The following TMIGD2 variants were observed in gnomAD, a reference collection of about 807,000 sequenced individuals.
The protein encoded by TMIGD2 is transmembrane and immunoglobulin domain containing 2, also known as transmembrane and immunoglobulin domain-containing protein 2.
TMIGD2 carries 18 observed loss-of-function variants against 22.6 expected under a neutral mutation model. The ratio of observed to expected loss-of-function variants is 0.80; its 90% CI spans 0.55 to 1.18. The LOEUF is 1.18. Ranked by LOEUF, TMIGD2 falls within the 50% of genes most tolerant of loss-of-function variation. The pLI is 0.00. For synonymous variants in TMIGD2, 184 were observed against 154.1 expected (o/e 1.19, Z -1.44); for missense variants, 361 against 378.2 (o/e 0.95, Z 0.38).
At chr19:4,301,325 A>G (rs1971533445) in intron 1 of TMIGD2, among the ~76,000 whole-genome samples, 2 of 152,254 alleles carry the variant, frequency 1.3e-5, no homozygotes, top group Non-Finnish European at 1.5e-5. Flanking sequence ...TGATTGCTTG[A>G]GGCCAGGAGT....
intron 2 of TMIGD2, 121 bp downstream of exon 2, chr19:4,297,865 A>G: frequency 7.3e-7 from 1 of 1,365,742 alleles, no homozygotes; most frequent in East Asian, 2.6e-5. Context: ...TCTTAAAAAA[A>G]AAAAAAAAAG....
At chr19:4,296,615 G>T (rs1400340253) in intron 2 of TMIGD2, among the ~76,000 whole-genome samples, 2 of 152,130 alleles carry the variant, frequency 1.3e-5, no homozygotes, top group Non-Finnish European at 2.9e-5. Context: ...CCACCACCCC[G>T]CCTCCTCTAA....
intron 4 of TMIGD2, among the ~76,000 whole-genome samples, chr19:4,293,623 G>A (rs1163132228): frequency 6.6e-6 from 1 of 150,526 alleles, no homozygotes; most frequent in East Asian, 2.0e-4. Flanking sequence ...TTGAGACAGG[G>A]TCTCTCTCTG....
At chr19:4,292,507 G>A in exon 5 of TMIGD2, 5 of 1,302,924 alleles carry the variant, frequency 3.8e-6, no homozygotes, top group East Asian at 2.3e-5. Flanking sequence ...AAACTGCTGG[G>A]ATTACAGGCG....
At chr19:4,302,371 G>A in exon 1 of TMIGD2, 1 of 1,571,104 alleles carries the variant, frequency 6.4e-7, no homozygotes, top group Non-Finnish European at 8.6e-7. Context: ...CCAGCACCAT[G>A]CCCGGGGACC....
chr19:4,297,843 C>G, intron 2 of TMIGD2, 143 bp downstream of exon 2: 1 of 1,204,486 alleles, frequency 8.3e-7, no homozygotes, highest in African/African-American at 1.7e-5. Flanking sequence ...GACGACAGAG[C>G]AAGACTCTGT....
At chr19:4,296,015 C>G (rs1394752569) in intron 2 of TMIGD2, among the ~76,000 whole-genome samples, 1 of 152,058 alleles carries the variant, frequency 6.6e-6, no homozygotes, top group African/African-American at 2.4e-5. Context: ...AACTCCTGGG[C>G]TCAAGTGATC....
exon 5 of TMIGD2, chr19:4,292,846 C>T (rs1287865414): frequency 6.2e-7 from 1 of 1,613,922 alleles, no homozygotes; most frequent in Non-Finnish European, 8.5e-7. Flanking sequence ...CTTTGGGGCC[C>T]CCCGGGGCCG....
intron 2 of TMIGD2, 123 bp from the exon 3 acceptor site, chr19:4,294,939 C>T: frequency 2.1e-6 from 2 of 948,476 alleles, no homozygotes; most frequent in Non-Finnish European, 3.0e-6. Flanking sequence ...GGCAAGTGTT[C>T]ACTCTGAACC....
chr19:4,299,844 C>T (rs1971512006), intron 1 of TMIGD2, among the ~76,000 whole-genome samples: 1 of 150,456 alleles, frequency 6.6e-6, no homozygotes, highest in African/African-American at 2.4e-5. Context: ...TGAGACCCTG[C>T]CACTGCACTC....
intron 2 of TMIGD2, 72 bp from the exon 3 acceptor site, chr19:4,294,888 G>C: frequency 2.1e-6 from 3 of 1,399,254 alleles, no homozygotes; most frequent in Non-Finnish European, 1.9e-6. Flanking sequence ...TCACTTGGGG[G>C]GACCTAAGTG....
At chr19:4,297,003 A>G (rs1971469813) in intron 2 of TMIGD2, among the ~76,000 whole-genome samples, 1 of 151,746 alleles carries the variant, frequency 6.6e-6, no homozygotes, top group South Asian at 2.1e-4. Context: ...CTCATCTGTA[A>G]AGTGAGGCAG....
chr19:4,294,383 C>G (rs907592998), intron 4 of TMIGD2, among the ~76,000 whole-genome samples, 196 bp downstream of exon 4: 1 of 152,132 alleles, frequency 6.6e-6, no homozygotes. Flanking sequence ...GAGATGGGAT[C>G]TTGCTAGGTT....
exon 5 of TMIGD2, chr19:4,292,859 A>C: frequency 6.2e-6 from 10 of 1,613,862 alleles, no homozygotes; most frequent in Non-Finnish European, 7.6e-6. Context: ...CGGGGCCGGT[A>C]TAGGACGTTG....
chr19:4,298,387 G>T (rs774370102), intron 1 of TMIGD2, 42 bp from the exon 2 acceptor site: 1 of 1,510,428 alleles, frequency 6.6e-7, no homozygotes, highest in Non-Finnish European at 8.8e-7. Flanking sequence ...CTGACTGTGC[G>T]CATGTGAGGC....
chr19:4,299,966 T>C (rs894808834), intron 1 of TMIGD2, among the ~76,000 whole-genome samples: 2 of 151,646 alleles, frequency 1.3e-5, no homozygotes, highest in Admixed American at 1.3e-4. Flanking sequence ...AGGATCAACC[T>C]CCTGGGTTCA....
rs909768115 is a variant in TMIGD2 at position 4,298,366 on chromosome 19, A to G, written c.47-21T>C. 5.2e-6 allele frequency: 8 copies of G among 1,538,192 alleles called. No homozygotes were observed. In the Admixed American group the frequency reaches 7.6e-5, roughly 15 times the overall value. On this transcript the variant is annotated intron_variant, in intron 1 of 4. Transcript: ENST00000301272. ...CAGGGCTGGAGGACAGAAGAGGTAG[A>G]GGCGACCTTTCTGACTGTGCGCATG...
chr19:4,292,958 C>T, intron 4 of TMIGD2, 73 bp from the exon 5 acceptor site: 1 of 1,547,844 alleles, frequency 6.5e-7, no homozygotes, highest in Non-Finnish European at 8.6e-7. Context: ...TCTGGGGGAT[C>T]TGTCTCTTTT....
intron 4 of TMIGD2, 91 bp from the exon 5 acceptor site, chr19:4,292,976 T>G (rs941012820): frequency 1.2e-5 from 18 of 1,534,286 alleles, no homozygotes; most frequent in African/African-American, 2.8e-5. Context: ...TTTTTTTTTT[T>G]TCTGTGAGAC....
Sources: allele counts gnomAD v4.1 joint callset (sites outside exome capture counted in the v4.1 genomes callset), GRCh38; gene constraint gnomAD v4.1.1; transcripts MANE v1.5; gene names NCBI Gene and HGNC (gene_info 2026-07-23, HGNC 2026-07-21).